The following MMP20 variants were observed in gnomAD, a reference collection of about 807,000 sequenced individuals.
MMP20 encodes the protein matrix metalloproteinase-20.
MMP20 carries 50 observed loss-of-function variants against 51.8 expected under a neutral mutation model. That is an observed-to-expected ratio of 0.97 (90% confidence interval 0.77 to 1.22). The LOEUF (loss-of-function observed/expected upper bound fraction) is 1.22. Among genes scored for constraint, MMP20 ranks in the 50% most tolerant of loss-of-function variants. The pLI is 0.00. For synonymous variants in MMP20, 244 were observed against 216.2 expected, an observed-to-expected ratio of 1.13 and a Z score of -1.13; for missense variants, 663 against 601.4, an observed-to-expected ratio of 1.10 and a Z score of -1.07.
chr11:102,597,117 G>A (rs1859390621), intron 6 of MMP20, among the ~76,000 whole-genome samples: 1 of 152,196 alleles, frequency 6.6e-6, no homozygotes, highest in Non-Finnish European at 1.5e-5. Flanking sequence ...GAGCAGATAT[G>A]TCTTCCCAAA....
At chr11:102,596,558 T>G (rs1208732336) in intron 6 of MMP20, among the ~76,000 whole-genome samples, 1 of 152,226 alleles carries the variant, frequency 6.6e-6, no homozygotes, top group African/African-American at 2.4e-5. Flanking sequence ...TAGGCCTTAA[T>G]TACCTGGTAA....
intron 6 of MMP20, chr11:102,605,102 C>G (rs900267278): frequency 6.6e-6 from 1 of 152,164 alleles, no homozygotes; most frequent in Admixed American, 6.5e-5. Context: ...AGGGTGGGGG[C>G]CCCATGATGG....
intron 8 of MMP20, among the ~76,000 whole-genome samples, chr11:102,583,954 A>G (rs11225333): frequency 0.098 from 14,938 of 152,304 alleles, 921 homozygotes; most frequent in East Asian, 0.3. Context: ...ACCATGTACC[A>G]GCATTTCATT....
chr11:102,590,749 T>C (rs1373549178), intron 8 of MMP20, among the ~76,000 whole-genome samples: 3 of 152,356 alleles, frequency 2.0e-5, no homozygotes, highest in East Asian at 3.9e-4. Context: ...GGACCTTCCA[T>C]ATTTTTGAGT....
chr11:102,586,239 T>A (rs1241120246), intron 8 of MMP20, among the ~76,000 whole-genome samples: 2 of 152,224 alleles, frequency 1.3e-5, no homozygotes, highest in Non-Finnish European at 2.9e-5. Context: ...CTTCTTTCAA[T>A]GTATTGGTAG....
chr11:102,609,101 A>G lies in MMP20; in HGVS notation c.650-3T>C, dbSNP rs1859559622. ...AGCAACGGTAAACAAATTAAAACCT[A>G]GACAATATGAGAGAGAAAAAAACAG... On this transcript the variant is annotated splice_polypyrimidine_tract_variant and splice_region_variant and intron_variant, in intron 4 of 9. Transcript: ENST00000260228. The G allele has an allele frequency of 1.2e-6, 2 of 1,613,928 alleles. No individual in the cohort carries two copies. Among genetic ancestry groups the G allele is most frequent in the African/African-American group, 2.7e-5 (2 of 74,934 alleles).
At chr11:102,593,720 C>A (rs1784440) in intron 7 of MMP20, 125 bp from the exon 8 acceptor site, 2 of 1,034,712 alleles carry the variant, frequency 1.9e-6, no homozygotes, top group Non-Finnish European at 1.5e-6. Context: ...GGCTATAACC[C>A]AACAAGAGAT....
chr11:102,609,056 G>A lies in MMP20; in HGVS notation c.692C>T (p.Ala231Val), dbSNP rs868687532. ...GTCTGTGGAATGGGCCAGGCCCAGG[G>A]CATGGCCAAATTCATGAGCAGCAAC... is the stretch of plus-strand genomic sequence containing the variant. ...FTVAAHEFGHALGLAHSTDPS... is the reference protein window; with the variant it reads ...FTVAAHEFGHVLGLAHSTDPS... The change falls in exon 5 of 10, where the codon GCC becomes GTC. Residue 231 changes from alanine to valine, a missense_variant. Physicochemically the swap from Ala to Val is moderately conservative, Grantham distance 64. Coordinates refer to ENST00000260228, the MANE Select transcript of MMP20 (RefSeq NM_004771.4). The A allele has an allele frequency of 1.2e-6, 2 of 1,614,098 alleles. No individual in the cohort carries two copies. The highest frequency in any genetic ancestry group is 3.3e-4 in the Middle Eastern group (2 of 6,062).
At chr11:102,589,809 A>C (rs1859296694) in intron 8 of MMP20, among the ~76,000 whole-genome samples, 1 of 152,206 alleles carries the variant, frequency 6.6e-6, no homozygotes, top group African/African-American at 2.4e-5. Flanking sequence ...TTAAAACATG[A>C]AAAAACAAGA....
At chr11:102,610,353 C>G (rs542888041) in intron 3 of MMP20, among the ~76,000 whole-genome samples, 1 of 150,140 alleles carries the variant, frequency 6.7e-6, no homozygotes, top group African/African-American at 2.4e-5. Context: ...AAAAGGAGAA[C>G]GACTGGGGCG....
chr11:102,591,143 A>C (rs536460418), intron 8 of MMP20, among the ~76,000 whole-genome samples: 1 of 152,376 alleles, frequency 6.6e-6, no homozygotes, highest in East Asian at 1.9e-4. Flanking sequence ...CACACTGTGC[A>C]GAATTCAGGG....
chr11:102,587,763 C>T (rs1859271114), intron 8 of MMP20, among the ~76,000 whole-genome samples: 1 of 152,114 alleles, frequency 6.6e-6, no homozygotes, highest in South Asian at 2.1e-4. Context: ...TATAGCCATT[C>T]AAGCTTTCTT....
At chr11:102,604,339 G>A (rs964625658) in intron 6 of MMP20, among the ~76,000 whole-genome samples, 1 of 152,122 alleles carries the variant, frequency 6.6e-6, no homozygotes, top group Non-Finnish European at 1.5e-5. Flanking sequence ...TCCATTTGGT[G>A]TACTTTTTGG....
rs573147329 is a variant in MMP20, at chr11:102,600,140, G to A, written c.954-5383C>T. 1.8e-4 allele frequency among the ~76,000 whole-genome samples: 27 copies of A among 152,260 alleles called. No individual in the cohort carries two copies. In the Middle Eastern group the frequency reaches 0.02, roughly 115 times the overall value. On this transcript the variant is annotated intron_variant, in intron 6 of 9. Coordinates refer to ENST00000260228, the MANE Select transcript of MMP20 (RefSeq NM_004771.4). ...ACAATGCCATTTGTTGGCTTTCAGG[G>A]AAGTAATCTTACAGCCAGAAAAGAC...
In MMP20 at chr11:102,599,106, G is replaced by T. The variant is rs564898242; in HGVS notation, c.954-4349C>A. ...CAGCTCACTGCAACCTCTGCCTCCT[G>T]GGTTCAAACGATTCTCCTGCCTCAG... On this transcript the variant is annotated intron_variant, in intron 6 of 9. Coordinates refer to ENST00000260228, the MANE Select transcript of MMP20 (RefSeq NM_004771.4). Among the ~76,000 whole-genome samples, 6 of 151,270 alleles carry T rather than the reference G, an allele frequency of 4.0e-5. No homozygotes were observed. The South Asian group carries it at 1.3e-3, about 32-fold the overall frequency.
intron 8 of MMP20, among the ~76,000 whole-genome samples, chr11:102,585,852 T>C: frequency 6.6e-6 from 1 of 152,252 alleles, no homozygotes; most frequent in East Asian, 1.9e-4. Context: ...CAAATGCTTT[T>C]ACTGTATCTA....
At chr11:102,622,966 A>G (rs1054753462) in intron 1 of MMP20, among the ~76,000 whole-genome samples, 1 of 152,204 alleles carries the variant, frequency 6.6e-6, no homozygotes, top group East Asian at 1.9e-4. Context: ...AGATCATTCC[A>G]GGCTCCTGAG....
chr11:102,609,033 C>A lies in MMP20; in HGVS notation c.715G>T (p.Asp239Tyr). The change falls in exon 5 of 10, where the codon GAC becomes TAC. Residue 239 changes from aspartate to tyrosine, a missense_variant. Asp to Tyr is a radical substitution (Grantham distance 160, BLOSUM62 -3). Transcript: ENST00000260228. ...GHALGLAHST[D>Y]PSALMYPTYK... ...GTTGGGTACATCAGTGCTGATGGGT[C>A]TGTGGAATGGGCCAGGCCCAGGGCA... The A allele has an allele frequency of 6.2e-7, 1 of 1,613,998 alleles. No individual in the cohort carries two copies. Among genetic ancestry groups the A allele is most frequent in the Non-Finnish European group, 8.5e-7 (1 of 1,179,914 alleles).
In MMP20 at chr11:102,607,267, G is replaced by A. The variant is rs17098885; in HGVS notation, c.812-591C>T. 1,107 of 163,376 alleles carry A rather than the reference G, an allele frequency of 6.8e-3. 48 individuals carry two copies. The highest frequency in any genetic ancestry group is 0.06 in the Admixed American group (1,030 of 17,298). 10.1% of individuals were successfully genotyped at this position (163,376 alleles called of 1,614,324 possible). On this transcript the variant is annotated intron_variant, in intron 5 of 9. Transcript: ENST00000260228. Reference sequence around the variant, plus strand: ...ACACTGAAGGTGTTTGCTATTTAAAGGTATCTTCTGGTGGATCGTCTTGGA... The same window carrying A: ...ACACTGAAGGTGTTTGCTATTTAAAAGTATCTTCTGGTGGATCGTCTTGGA...
Sources: allele counts gnomAD v4.1 joint callset (sites outside exome capture counted in the v4.1 genomes callset), GRCh38; gene constraint gnomAD v4.1.1; transcripts MANE v1.5; gene names NCBI Gene and HGNC (gene_info 2026-07-23, HGNC 2026-07-21).